PGCKA1: variants seen among roughly 807,000 people sequenced by gnomAD.
PGCKA1 encodes PDCD10 and GCKIII kinases associated 1.
At chr4:37,571,031 C>T in the PGCKA1 span, among the ~76,000 whole-genome samples, 1 of 152,182 alleles carries the variant, frequency 6.6e-6, no homozygotes, top group African/African-American at 2.4e-5. Flanking sequence ...TTCATTCCCA[C>T]GTGTCATTCA....
the PGCKA1 span, among the ~76,000 whole-genome samples, chr4:37,563,892 C>T: frequency 1.3e-5 from 2 of 152,166 alleles, no homozygotes; most frequent in Non-Finnish European, 2.9e-5. Flanking sequence ...AGACACGGCC[C>T]AGTTCCCATG....
chr4:37,548,610 AG>A, the PGCKA1 span, among the ~76,000 whole-genome samples: 3 of 152,196 alleles, frequency 2.0e-5, no homozygotes, highest in Non-Finnish European at 4.4e-5. Flanking sequence ...TATGTCTACA[AG>A]GTTTTATTAA....
the PGCKA1 span, among the ~76,000 whole-genome samples, chr4:37,547,119 C>T: frequency 5.3e-5 from 8 of 151,956 alleles, no homozygotes; most frequent in African/African-American, 1.7e-4. Flanking sequence ...GTGCCTTTAT[C>T]GGCACTTTGG....
chr4:37,460,369 G>T, the PGCKA1 span: 1 of 270,812 alleles, frequency 3.7e-6, no homozygotes, highest in Non-Finnish European at 7.3e-6. Flanking sequence ...GAGATTGCTG[G>T]GTTGAATGGT....
the PGCKA1 span, among the ~76,000 whole-genome samples, chr4:37,512,189 G>A: frequency 0.06 from 9,101 of 152,212 alleles, 479 homozygotes; most frequent in South Asian, 0.16. Flanking sequence ...TCAAAACCAG[G>A]CACAGGACTA....
At chr4:37,586,444 AAG>A in the PGCKA1 span, among the ~76,000 whole-genome samples, 1 of 152,176 alleles carries the variant, frequency 6.6e-6, no homozygotes, top group African/African-American at 2.4e-5. Context: ...ACGGTAAGGA[AAG>A]AGGGTGGCAA....
chr4:37,526,722 C>T, the PGCKA1 span, among the ~76,000 whole-genome samples: 1 of 152,250 alleles, frequency 6.6e-6, no homozygotes, highest in East Asian at 1.9e-4. Context: ...ATACCTGCCG[C>T]ACTTCTGGTC....
chr4:37,590,343 C>T, the PGCKA1 span: 20 of 1,613,500 alleles, frequency 1.2e-5, 1 homozygote, highest in Middle Eastern at 1.7e-4. Flanking sequence ...ACCATGCCTG[C>T]GGTGTCAACG....
the PGCKA1 span, chr4:37,590,193 C>A: frequency 1.9e-6 from 3 of 1,614,200 alleles, no homozygotes; most frequent in Non-Finnish European, 1.7e-6. Flanking sequence ...GCAAATGGAG[C>A]AGTGAAGTCT....
At chr4:37,578,813 C>T in the PGCKA1 span, among the ~76,000 whole-genome samples, 1 of 152,064 alleles carries the variant, frequency 6.6e-6, no homozygotes, top group Admixed American at 6.6e-5. Context: ...TCCTAGCTCT[C>T]TGGGAGACAG....
the PGCKA1 span, among the ~76,000 whole-genome samples, chr4:37,551,760 T>C: frequency 2.0e-5 from 3 of 152,212 alleles, no homozygotes; most frequent in Non-Finnish European, 4.4e-5. Flanking sequence ...AAAACTCTTA[T>C]AATAGGAGTT....
the PGCKA1 span, among the ~76,000 whole-genome samples, chr4:37,524,352 G>C: frequency 9.9e-5 from 15 of 152,184 alleles, no homozygotes; most frequent in African/African-American, 3.4e-4. Flanking sequence ...AGTCAGATTA[G>C]ACTGTGGCCT....
the PGCKA1 span, among the ~76,000 whole-genome samples, chr4:37,491,533 G>T: frequency 6.6e-6 from 1 of 151,926 alleles, no homozygotes; most frequent in Non-Finnish European, 1.5e-5. Flanking sequence ...AATAATATTT[G>T]CCAATTGTTA....
chr4:37,457,835 G>A, the PGCKA1 span, among the ~76,000 whole-genome samples: 2 of 152,150 alleles, frequency 1.3e-5, no homozygotes, highest in South Asian at 4.1e-4. Flanking sequence ...GATTCCTAAT[G>A]AGCTTGGCTA....
At chr4:37,475,665 T>A in the PGCKA1 span, among the ~76,000 whole-genome samples, 102 of 152,294 alleles carry the variant, frequency 6.7e-4, 1 homozygote, top group Middle Eastern at 0.01. Context: ...CCTCTTGAGC[T>A]ATTTTGTTTA....
At chr4:37,529,459 C>G in the PGCKA1 span, among the ~76,000 whole-genome samples, 1 of 152,130 alleles carries the variant, frequency 6.6e-6, no homozygotes, top group Non-Finnish European at 1.5e-5. Flanking sequence ...ATTATCCCAC[C>G]TGTGCTTGCA....
the PGCKA1 span, among the ~76,000 whole-genome samples, chr4:37,513,103 AAAG>A: frequency 2.6e-5 from 1 of 38,442 alleles, no homozygotes; most frequent in Non-Finnish European, 5.6e-5. Context: ...AAAAAAAAAG[AAAG>A]AAAGAAAGAA....
At chr4:37,492,536 GACCT>G in the PGCKA1 span, among the ~76,000 whole-genome samples, 1 of 152,200 alleles carries the variant, frequency 6.6e-6, no homozygotes, top group Non-Finnish European at 1.5e-5. The surrounding 1 kb of genome is among the most constrained non-coding windows in gnomAD (Gnocchi z 4.7). Context: ...GGAAGGTATG[GACCT>G]TGCTGCCAGG....
the PGCKA1 span, among the ~76,000 whole-genome samples, chr4:37,495,644 G>A: frequency 2.0e-5 from 3 of 152,220 alleles, no homozygotes; most frequent in South Asian, 2.1e-4. Flanking sequence ...TCACTCATAA[G>A]TGGGAGTTCA....
Sources: allele counts gnomAD v4.1 joint callset (sites outside exome capture counted in the v4.1 genomes callset), GRCh38; gene constraint gnomAD v4.1.1; non-coding constraint Gnocchi (gnomAD v3.1); transcripts MANE v1.5; gene names NCBI Gene and HGNC (gene_info 2026-07-23, HGNC 2026-07-21).